ZNF180: variants seen among roughly 807,000 people sequenced by gnomAD.
The protein encoded by ZNF180 is zinc finger protein 180, also known as zinc finger protein 180 (HHZ168).
ZNF180 carries 11 observed loss-of-function variants against 11.8 expected under a neutral mutation model. The ratio of observed to expected loss-of-function variants is 0.93; its 90% CI spans 0.59 to 1.55. The LOEUF (loss-of-function observed/expected upper bound fraction) is 1.55. Ranked by LOEUF, ZNF180 falls within the 40% of genes most tolerant of loss-of-function variation. ZNF180 has a pLI of 0.00. For missense variants in ZNF180, 773 were observed against 781.7 expected (o/e 0.99, Z 0.13); for synonymous variants, 287 against 257.7 (o/e 1.11, Z -1.09).
At position 44,477,810 on chromosome 19, in the gene ZNF180, G is replaced by A; in HGVS notation, c.590C>T (p.Ala197Val). 1 of 1,613,790 alleles carries A rather than the reference G, an allele frequency of 6.2e-7. No individual in the cohort carries two copies. Among genetic ancestry groups the A allele is most frequent in the African/African-American group, 1.3e-5 (1 of 75,002 alleles). Residue 197 changes from alanine (A) to valine (V), a missense_variant, in exon 5 of 5, where the codon GCT (alanine) becomes GTT (valine). Ala to Val is a moderately conservative substitution (Grantham distance 64). Coordinates refer to ENST00000592529, the MANE Select transcript of ZNF180 (RefSeq NM_001278509.3). ...AGCAGCATTAAGATGCCATTTTTTAGCATGTGATACATGTTTATGAAAATG... is the reference window on the plus strand; with the variant it reads ...AGCAGCATTAAGATGCCATTTTTTAACATGTGATACATGTTTATGAAAATG... ...RNHFHKHVSHAKKWHLNAAVN... is the reference protein window; with the variant it reads ...RNHFHKHVSHVKKWHLNAAVN...
At chr19:44,489,706 CT>C (rs1418566912) in intron 2 of ZNF180, among the ~76,000 whole-genome samples, 1 of 139,412 alleles carries the variant, frequency 7.2e-6, no homozygotes, top group Non-Finnish European at 1.5e-5. Context: ...CCAAATCCCC[CT>C]CTGCGAGAAA....
At chr19:44,481,885 A>C (rs954999683) in intron 3 of ZNF180, among the ~76,000 whole-genome samples, 1 of 152,178 alleles carries the variant, frequency 6.6e-6, no homozygotes, top group Non-Finnish European at 1.5e-5. Flanking sequence ...AAGGCCCCTC[A>C]ATGTGCAGAT....
chr19:44,490,164 AAGGGAGGGAGGGAGGGAGGG>A (rs148114847), intron 2 of ZNF180, among the ~76,000 whole-genome samples: 4 of 73,596 alleles, frequency 5.4e-5, no homozygotes, highest in Non-Finnish European at 8.3e-5. Flanking sequence ...GAAATAGGAG[AAGGGAGGGAGGGAGGGAGGG>A]AGGGAGGGAG....
At chr19:44,488,795 C>T (rs916616944) in intron 2 of ZNF180, among the ~76,000 whole-genome samples, 4 of 151,914 alleles carry the variant, frequency 2.6e-5, no homozygotes, top group African/African-American at 4.8e-5. Flanking sequence ...CTCTGCCCGG[C>T]GGCCATCCCA....
At chr19:44,479,498 A>G in intron 3 of ZNF180, 89 bp from the exon 4 acceptor site, 1 of 1,542,276 alleles carries the variant, frequency 6.5e-7, no homozygotes, top group South Asian at 1.2e-5. Context: ...TGGAAAAAGG[A>G]AAATTGGTGA....
chr19:44,494,902 T>A (rs1248506135), intron 2 of ZNF180, among the ~76,000 whole-genome samples: 3 of 152,092 alleles, frequency 2.0e-5, no homozygotes, highest in African/African-American at 7.3e-5. Flanking sequence ...GAAGGTGAAA[T>A]GTGGGCACTA....
At chr19:44,486,832 G>A (rs986665989) in intron 2 of ZNF180, among the ~76,000 whole-genome samples, 7 of 152,076 alleles carry the variant, frequency 4.6e-5, no homozygotes, top group Admixed American at 2.0e-4. Context: ...CCTGAACTCA[G>A]GAGTTCGAGA....
chr19:44,484,492 T>C, intron 2 of ZNF180, 57 bp from the exon 3 acceptor site: 1 of 1,240,312 alleles, frequency 8.1e-7, no homozygotes, highest in Non-Finnish European at 1.2e-6. Flanking sequence ...AAGTGGCAGC[T>C]CAAATCTCCT....
At chr19:44,492,373 C>G (rs979982686) in intron 2 of ZNF180, among the ~76,000 whole-genome samples, 3 of 134,738 alleles carry the variant, frequency 2.2e-5, no homozygotes, top group African/African-American at 9.1e-5. Context: ...TCTGGAGCAT[C>G]TTTAAATTAC....
rs976622186 is a variant in ZNF180, at chr19:44,500,137, C to G, written c.-44+138G>C. Reference sequence around the variant, plus strand: ...CAGCTGTATCAGTAACTCCATCAACCCCGGTGACCCGAGGCTAAAGCGCCA... The same window carrying G: ...CAGCTGTATCAGTAACTCCATCAACGCCGGTGACCCGAGGCTAAAGCGCCA... On this transcript the variant is annotated intron_variant, in intron 1 of 4. Transcript: ENST00000592529. 1.9e-6 allele frequency: 3 copies of G among 1,612,088 alleles called. No individual in the cohort carries two copies. In the African/African-American group the frequency reaches 4.0e-5, roughly 22 times the overall value.
At chr19:44,489,548 G>C (rs144669865) in intron 2 of ZNF180, among the ~76,000 whole-genome samples, 5 of 75,040 alleles carry the variant, frequency 6.7e-5, no homozygotes, top group East Asian at 3.8e-4. Context: ...CAGCATGCTC[G>C]TTAAGAGTCG....
At chr19:44,498,282 G>C (rs1000177809) in intron 1 of ZNF180, among the ~76,000 whole-genome samples, 8 of 152,084 alleles carry the variant, frequency 5.3e-5, no homozygotes, top group Non-Finnish European at 1.2e-4. Flanking sequence ...TACCAACTAG[G>C]TGTTTTGGGA....
In ZNF180 at chr19:44,476,962, T is replaced by C. The variant is rs556447906; in HGVS notation, c.1438A>G (p.Lys480Glu). 2.5e-6 allele frequency: 4 copies of C among 1,613,490 alleles called. No individual in the cohort carries two copies. The Admixed American group carries it at 6.7e-5, about 27-fold the overall frequency. Residue 480 changes from lysine to glutamate, a missense_variant, in exon 5 of 5, where the codon AAA (lysine) becomes GAA (glutamate). Coordinates refer to ENST00000592529, the MANE Select transcript of ZNF180 (RefSeq NM_001278509.3). ...TGAGTTCTCTGATGAGCAACAAGTT[T>C]ATAACTTTGACTAAAGGATTTCCCA... ...QCGKSFSQSYKLVAHQRTHTG... is the reference protein window; with the variant it reads ...QCGKSFSQSYELVAHQRTHTG...
At chr19:44,482,028 G>A (rs1272310565) in intron 3 of ZNF180, among the ~76,000 whole-genome samples, 1 of 152,182 alleles carries the variant, frequency 6.6e-6, no homozygotes, top group Non-Finnish European at 1.5e-5. Context: ...AAAATAGGAT[G>A]GGTAGGGCGG....
intron 3 of ZNF180, among the ~76,000 whole-genome samples, chr19:44,482,734 C>T (rs942438020): frequency 6.6e-6 from 1 of 152,208 alleles, no homozygotes; most frequent in African/African-American, 2.4e-5. Context: ...TGAAGCACCA[C>T]CATGGTGCCA....
intron 4 of ZNF180, among the ~76,000 whole-genome samples, chr19:44,478,691 A>G (rs1314286517): frequency 1.3e-5 from 2 of 152,216 alleles, no homozygotes; most frequent in Non-Finnish European, 2.9e-5. Context: ...AAGCCCCACA[A>G]ATTTCTGTGA....
chr19:44,497,279 C>T lies in ZNF180; in HGVS notation c.51+5G>A, dbSNP rs376197321. On this transcript the variant is annotated splice_donor_5th_base_variant and intron_variant, in intron 2 of 4. Coordinates refer to ENST00000592529, the MANE Select transcript of ZNF180 (RefSeq NM_001278509.3). ...GACAGACCCAAGCTCTGGGTCTCCA[C>T]TCACCTGTGCACAGACCTTCGGGGG... 6.4e-7 allele frequency: 1 copy of T among 1,572,316 alleles called. No individual in the cohort carries two copies. The highest frequency in any genetic ancestry group is 8.6e-7 in the Non-Finnish European group (1 of 1,166,172).
chr19:44,483,756 T>C (rs1970143466), intron 3 of ZNF180, among the ~76,000 whole-genome samples: 1 of 152,216 alleles, frequency 6.6e-6, no homozygotes, highest in South Asian at 2.1e-4. Context: ...ATTTCTCTGG[T>C]GCTAACCAAG....
At chr19:44,486,228 C>A (rs1568429732) in intron 2 of ZNF180, among the ~76,000 whole-genome samples, 2 of 152,050 alleles carry the variant, frequency 1.3e-5, no homozygotes, top group Non-Finnish European at 2.9e-5. Flanking sequence ...GAATAGATTT[C>A]TATAAAATAT....
Sources: allele counts gnomAD v4.1 joint callset (sites outside exome capture counted in the v4.1 genomes callset), GRCh38; gene constraint gnomAD v4.1.1; transcripts MANE v1.5; gene names NCBI Gene and HGNC (gene_info 2026-07-23, HGNC 2026-07-21).